CTNNA3: variants seen among roughly 807,000 people sequenced by gnomAD.
The protein encoded by CTNNA3 is catenin alpha 3, also known as catenin alpha-3.
A neutral mutation model predicts 95.7 loss-of-function variants in CTNNA3; 76 were observed. The observed-to-expected ratio is 0.79, with a 90% CI of 0.66 to 0.96. CTNNA3 has a LOEUF of 0.96. CTNNA3 is among the 40% of genes least tolerant of loss of function. CTNNA3 has a pLI of 0.00. For missense variants in CTNNA3, 1,191 were observed against 1,089.8 expected (o/e 1.09, Z -1.31); for synonymous variants, 431 against 374.4 (o/e 1.15, Z -1.74).
chr10:67,129,674 C>T (rs1256319188), intron 7 of CTNNA3, among the ~76,000 whole-genome samples: 4 of 152,102 alleles, frequency 2.6e-5, no homozygotes, highest in South Asian at 4.1e-4. Flanking sequence ...TCACCATTTA[C>T]GTTTCTTTAC....
At chr10:67,037,846 T>A (rs1854158921) in intron 7 of CTNNA3, among the ~76,000 whole-genome samples, 1 of 152,114 alleles carries the variant, frequency 6.6e-6, no homozygotes. Context: ...TGGTAAATTA[T>A]GATTAGCTGA....
intron 5 of CTNNA3, among the ~76,000 whole-genome samples, chr10:67,277,608 T>C (rs1839231642): frequency 6.6e-6 from 1 of 152,030 alleles, no homozygotes; most frequent in Admixed American, 6.6e-5. Context: ...CAGGATGAGA[T>C]GGGAAGTCGG....
chr10:66,751,275 A>T (rs187210726), intron 9 of CTNNA3, among the ~76,000 whole-genome samples: 23 of 152,220 alleles, frequency 1.5e-4, no homozygotes, highest in African/African-American at 5.5e-4. Flanking sequence ...TGAAAAAAAA[A>T]ATTTCCACTT....
At chr10:66,330,731 T>G (rs1424961419) in intron 12 of CTNNA3, among the ~76,000 whole-genome samples, 1 of 152,122 alleles carries the variant, frequency 6.6e-6, no homozygotes, top group Non-Finnish European at 1.5e-5. Context: ...CTCCAGCACC[T>G]GTAGTTTCCT....
intron 7 of CTNNA3, among the ~76,000 whole-genome samples, chr10:67,134,764 C>T (rs1169417006): frequency 6.6e-6 from 1 of 152,114 alleles, no homozygotes; most frequent in African/African-American, 2.4e-5. Context: ...GAGTCATCAT[C>T]CTACAGTCTT....
chr10:66,317,821 T>C (rs1267390489), intron 12 of CTNNA3, among the ~76,000 whole-genome samples: 3 of 152,118 alleles, frequency 2.0e-5, no homozygotes, highest in African/African-American at 7.2e-5. Context: ...ATTTGAATTT[T>C]CTGTCAAGGT....
chr10:66,923,310 C>T (rs1846887988), intron 7 of CTNNA3, among the ~76,000 whole-genome samples: 1 of 152,178 alleles, frequency 6.6e-6, no homozygotes, highest in South Asian at 2.1e-4. Flanking sequence ...TTCCTCTGTT[C>T]TTCTGTCAAT....
chr10:67,746,718 A>T (rs1394474056), intron 1 of CTNNA3, among the ~76,000 whole-genome samples: 1 of 152,186 alleles, frequency 6.6e-6, no homozygotes, highest in African/African-American at 2.4e-5. Flanking sequence ...TCATGAGCCC[A>T]TGCCACCATC....
At chr10:66,967,138 C>CA (rs1849468621) in intron 7 of CTNNA3, among the ~76,000 whole-genome samples, 1 of 151,792 alleles carries the variant, frequency 6.6e-6, no homozygotes, top group South Asian at 2.1e-4. Context: ...ATGGTTATAG[C>CA]AAAAAATAGA....
At chr10:67,308,205 A>G (rs1181114648) in intron 5 of CTNNA3, among the ~76,000 whole-genome samples, 2 of 152,216 alleles carry the variant, frequency 1.3e-5, no homozygotes, top group Non-Finnish European at 2.9e-5. Context: ...TTACAGAATT[A>G]CATTGATATG....
At chr10:67,249,423 T>C (rs1186477606) in intron 5 of CTNNA3, among the ~76,000 whole-genome samples, 2 of 152,198 alleles carry the variant, frequency 1.3e-5, no homozygotes, top group Non-Finnish European at 2.9e-5. Context: ...CATCCTATCA[T>C]ACGCTTTAAA....
chr10:67,556,815 C>G (rs941675710), intron 3 of CTNNA3, among the ~76,000 whole-genome samples: 1 of 152,124 alleles, frequency 6.6e-6, no homozygotes, highest in Non-Finnish European at 1.5e-5. Flanking sequence ...TGTGTTCGCT[C>G]TTGCTTCTCT....
At chr10:67,713,411 T>G (rs1430225286) in intron 1 of CTNNA3, among the ~76,000 whole-genome samples, 1 of 152,220 alleles carries the variant, frequency 6.6e-6, no homozygotes, top group Non-Finnish European at 1.5e-5. Flanking sequence ...AAATACCACT[T>G]GACCCAGCAA....
chr10:66,917,189 A>G (rs1260043605), intron 7 of CTNNA3, among the ~76,000 whole-genome samples: 1 of 152,240 alleles, frequency 6.6e-6, no homozygotes, highest in African/African-American at 2.4e-5. Flanking sequence ...ATAAATACTC[A>G]TTGAATAAAC....
chr10:66,436,527 G>GTTTTTTTTTA (rs2093339471), intron 11 of CTNNA3, among the ~76,000 whole-genome samples: 1 of 38,330 alleles, frequency 2.6e-5, no homozygotes, highest in Non-Finnish European at 5.3e-5. Context: ...TTTTTTTTTT[G>GTTTTTTTTTA]CTTTCTATTT....
chr10:66,220,521 T>A (rs2131978025), intron 13 of CTNNA3, among the ~76,000 whole-genome samples: 1 of 152,316 alleles, frequency 6.6e-6, no homozygotes, highest in East Asian at 1.9e-4. Context: ...GTGTGGTCTG[T>A]TAGCTTTGCT....
intron 5 of CTNNA3, among the ~76,000 whole-genome samples, chr10:67,339,240 T>C (rs1197886065): frequency 6.6e-6 from 1 of 152,198 alleles, no homozygotes; most frequent in Non-Finnish European, 1.5e-5. Context: ...GACTATATTT[T>C]TATTGTCTTT....
chr10:66,058,881 C>T (rs2080138009), intron 15 of CTNNA3, among the ~76,000 whole-genome samples: 1 of 152,066 alleles, frequency 6.6e-6, no homozygotes, highest in Admixed American at 6.6e-5. Context: ...AGCATACATG[C>T]TTTCTCTTGG....
At chr10:67,046,517 A>G (rs1008016543) in intron 7 of CTNNA3, among the ~76,000 whole-genome samples, 3 of 152,238 alleles carry the variant, frequency 2.0e-5, no homozygotes, top group African/African-American at 7.2e-5. Flanking sequence ...TCCTGGAAAG[A>G]AAAGGAATCT....
Sources: gnomAD v4.1 joint callset for allele counts (sites outside exome capture counted in the v4.1 genomes callset) on GRCh38, gnomAD v4.1.1 for gene constraint, MANE v1.5 for transcripts, NCBI Gene and HGNC (gene_info 2026-07-23, HGNC 2026-07-21) for gene names.